The following SLC35F4 variants were observed in gnomAD, a reference collection of about 807,000 sequenced individuals.
SLC35F4 encodes solute carrier family 35 member F4.
SLC35F4 carries 24 observed loss-of-function variants against 44.2 expected under a neutral mutation model. The observed-to-expected ratio is 0.54, with a 90% CI of 0.39 to 0.76. SLC35F4 has a LOEUF of 0.76. Ranked by LOEUF, SLC35F4 falls within the 30% of genes least tolerant of loss-of-function variation. The pLI, the probability that SLC35F4 is intolerant of heterozygous loss-of-function variation, is 0.00. For synonymous variants in SLC35F4, 238 were observed against 223.6 expected, an observed-to-expected ratio of 1.06 and a Z score of -0.57; for missense variants, 562 against 586.1, an observed-to-expected ratio of 0.96 and a Z score of 0.42.
At position 57,714,705 on chromosome 14, in the gene SLC35F4, G is replaced by C. The variant is rs150943513; in HGVS notation, c.104-120581C>G. Among the ~76,000 whole-genome samples, 14 of 152,204 alleles carry C rather than the reference G, an allele frequency of 9.2e-5. No individual in the cohort carries two copies. The East Asian group carries it at 2.7e-3, about 29-fold the overall frequency. ...TAATTCACAGTTTTTTCCTTTAAGA[G>C]GTTTCCAGCTCAGTGGGGAATGTGA... On this transcript the variant is annotated intron_variant, in intron 1 of 7. Coordinates refer to ENST00000556826, the MANE Select transcript of SLC35F4 (RefSeq NM_001306087.2).
chr14:57,593,790 G>T, intron 2 of SLC35F4, 149 bp downstream of exon 2: 1 of 828,426 alleles, frequency 1.2e-6, no homozygotes, highest in Non-Finnish European at 1.9e-6. Context: ...ATATTTCCCT[G>T]CTTCCTTATC....
chr14:57,640,033 C>G (rs149596318), intron 1 of SLC35F4, among the ~76,000 whole-genome samples: 3,288 of 152,082 alleles, frequency 0.022, 63 homozygotes, highest in South Asian at 0.075. Context: ...CCTCTCCTCT[C>G]AATATAATAT....
At chr14:57,942,852 A>G (rs1266764161) in intron 1 of SLC35F4, among the ~76,000 whole-genome samples, 1 of 152,114 alleles carries the variant, frequency 6.6e-6, no homozygotes, top group African/African-American at 2.4e-5. Flanking sequence ...TTCTAATCTG[A>G]CCTTTCCAAC....
At chr14:57,670,902 C>CTTTTTTTTTTTT (rs35951590) in intron 1 of SLC35F4, among the ~76,000 whole-genome samples, 2 of 107,362 alleles carry the variant, frequency 1.9e-5, no homozygotes, top group African/African-American at 3.6e-5. Context: ...CTCATTCATT[C>CTTTTTTTTTTTT]TTTTTTTTTT....
At chr14:57,797,019 T>C (rs1306639881) in intron 1 of SLC35F4, among the ~76,000 whole-genome samples, 1 of 152,220 alleles carries the variant, frequency 6.6e-6, no homozygotes, top group African/African-American at 2.4e-5. Context: ...GCTAAAACTT[T>C]CTAATTTCAG....
intron 1 of SLC35F4, among the ~76,000 whole-genome samples, chr14:57,908,348 G>C (rs1010826085): frequency 6.6e-6 from 1 of 152,188 alleles, no homozygotes; most frequent in African/African-American, 2.4e-5. Flanking sequence ...TCTCGTTCTA[G>C]ATCCTTGAGG....
chr14:57,602,328 G>GTAGAGAGA (rs2070873413), intron 1 of SLC35F4: 1 of 152,152 alleles, frequency 6.6e-6, no homozygotes, highest in African/African-American at 2.4e-5. Context: ...AAGGTGTTTT[G>GTAGAGAGA]TAGAGAGATG....
chr14:57,955,190 AT>A (rs374615126), intron 1 of SLC35F4, among the ~76,000 whole-genome samples: 2,137 of 152,330 alleles, frequency 0.014, 57 homozygotes, highest in African/African-American at 0.047. Context: ...AATGACAAAA[AT>A]CACATGATCA....
At chr14:57,638,857 T>C (rs998448602) in intron 1 of SLC35F4, among the ~76,000 whole-genome samples, 2 of 152,036 alleles carry the variant, frequency 1.3e-5, no homozygotes, top group African/African-American at 4.8e-5. Context: ...AGGTCCCCTA[T>C]CAAGAGGTCC....
intron 1 of SLC35F4, among the ~76,000 whole-genome samples, chr14:57,717,502 G>A (rs888771244): frequency 6.6e-6 from 1 of 152,122 alleles, no homozygotes; most frequent in Non-Finnish European, 1.5e-5. Flanking sequence ...CAGGCGTGGT[G>A]TCGGGCGCCT....
chr14:57,820,888 G>C (rs1008126569), intron 1 of SLC35F4, among the ~76,000 whole-genome samples: 3 of 152,210 alleles, frequency 2.0e-5, no homozygotes, highest in African/African-American at 7.2e-5. Context: ...TTCTAATCAT[G>C]CCACTAATGC....
chr14:57,651,656 A>C (rs1594710264), intron 1 of SLC35F4, among the ~76,000 whole-genome samples: 1 of 152,076 alleles, frequency 6.6e-6, no homozygotes, highest in Non-Finnish European at 1.5e-5. Flanking sequence ...CTGAGGTAGC[A>C]CTTTCTAGAC....
rs143731317 is a variant in SLC35F4, at chr14:57,750,732, TTTG to T, written c.103+114988_103+114990del. 2.4e-3 allele frequency among the ~76,000 whole-genome samples: 360 copies of T among 151,942 alleles called. 3 individuals carry two copies. The East Asian group carries it at 0.037, about 16-fold the overall frequency. ...CTGCTTTTTAATGGAATTATTTGGG[TTTG>T]TTGTTGTTGTTGTTGTTGCTGAGTT... On this transcript the variant is annotated intron_variant, in intron 1 of 7. Transcript: ENST00000556826.
intron 1 of SLC35F4, among the ~76,000 whole-genome samples, chr14:57,600,995 C>G (rs2070795236): frequency 6.6e-6 from 1 of 151,936 alleles, no homozygotes; most frequent in Non-Finnish European, 1.5e-5. Context: ...CTTTTCATTT[C>G]AATTTATTCT....
At chr14:57,836,000 G>C (rs1055852144) in intron 1 of SLC35F4, among the ~76,000 whole-genome samples, 3 of 152,172 alleles carry the variant, frequency 2.0e-5, no homozygotes, top group Non-Finnish European at 2.9e-5. Flanking sequence ...TCAAGATGCA[G>C]GTTGTGAGAG....
In SLC35F4 at chr14:57,789,475, A is replaced by G. The variant is rs141490224; in HGVS notation, c.103+76248T>C. On this transcript the variant is annotated intron_variant, in intron 1 of 7. Transcript: ENST00000556826. ...AAGTCCAATCCCTCAATAGATCAAT[A>G]ACAAGTTCTGAAATTGAGGCAGTAA... 1.8e-3 allele frequency among the ~76,000 whole-genome samples: 273 copies of G among 152,310 alleles called. 1 individual carries two copies. The highest frequency in any genetic ancestry group is 6.2e-3 in the African/African-American group (256 of 41,576).
intron 1 of SLC35F4, among the ~76,000 whole-genome samples, chr14:57,818,554 A>T (rs1357165228): frequency 6.6e-6 from 1 of 152,206 alleles, no homozygotes; most frequent in African/African-American, 2.4e-5. Context: ...TCTGTACATC[A>T]GGGAATTTAC....
At chr14:57,880,209 A>C (rs1040910396) in intron 1 of SLC35F4, among the ~76,000 whole-genome samples, 1 of 152,182 alleles carries the variant, frequency 6.6e-6, no homozygotes, top group Non-Finnish European at 1.5e-5. Flanking sequence ...TAGAACTATC[A>C]TGAGGATAAA....
intron 1 of SLC35F4, among the ~76,000 whole-genome samples, chr14:57,875,321 T>A (rs1483045342): frequency 1.3e-5 from 2 of 152,234 alleles, no homozygotes; most frequent in Non-Finnish European, 2.9e-5. Flanking sequence ...TACTCTGCTC[T>A]GAAATTCACT....
Sources: allele counts gnomAD v4.1 joint callset (sites outside exome capture counted in the v4.1 genomes callset), GRCh38; gene constraint gnomAD v4.1.1; transcripts MANE v1.5; gene names NCBI Gene and HGNC (gene_info 2026-07-23, HGNC 2026-07-21).